Variants in WDFY2 observed in about 807,000 individuals in gnomAD.
The protein encoded by WDFY2 is WD repeat and FYVE domain containing 2.
In WDFY2, 36 loss-of-function variants were observed where a neutral mutation model predicts 56.4. The observed-to-expected ratio is 0.64, with a 90% confidence interval of 0.49 to 0.84. WDFY2 has a LOEUF of 0.84. WDFY2 is among the 40% of genes least tolerant of loss of function. The pLI, the probability that WDFY2 is intolerant of heterozygous loss-of-function variation, is 0.00. For synonymous variants in WDFY2, 176 were observed against 183.7 expected (o/e 0.96, Z 0.34); for missense variants, 444 against 512.2 (o/e 0.87, Z 1.29).
At position 51,744,543 on chromosome 13, in the gene WDFY2, A is replaced by G. The variant is rs924638164; in HGVS notation, c.725+5368A>G. Reference sequence around the variant, plus strand: ...ATCAAGTTTTTTAAAGGGACTCTGTATTTTCATTTTGCACTAGTCCCTCCA... The same window carrying G: ...ATCAAGTTTTTTAAAGGGACTCTGTGTTTTCATTTTGCACTAGTCCCTCCA... On this transcript the variant is annotated intron_variant, in intron 7 of 11. Coordinates refer to ENST00000298125, the MANE Select transcript of WDFY2 (RefSeq NM_052950.4). Among the ~76,000 whole-genome samples the G allele has an allele frequency of 3.3e-5, 5 of 152,242 alleles. No homozygotes were observed. The East Asian group carries it at 9.6e-4, about 29-fold the overall frequency.
chr13:51,711,668 C>T (rs530982290), intron 4 of WDFY2, among the ~76,000 whole-genome samples: 1 of 152,332 alleles, frequency 6.6e-6, no homozygotes, highest in Admixed American at 6.5e-5. Context: ...GACATTTATG[C>T]AGCCAACAGA....
chr13:51,724,199 C>G (rs1593451891), intron 5 of WDFY2, among the ~76,000 whole-genome samples: 1 of 147,952 alleles, frequency 6.8e-6, no homozygotes, highest in Admixed American at 6.7e-5. Flanking sequence ...CCAGTAATAG[C>G]TCCATTAAAT....
In WDFY2 at chr13:51,766,773, A is replaced by G. The variant is rs1953763542; in HGVS notation, c.*7004A>G. The G allele has an allele frequency of 6.6e-6, 1 of 152,274 alleles. No individual in the cohort carries two copies. The highest frequency in any genetic ancestry group is 2.4e-5 in the African/African-American group (1 of 41,472). The allele number at this position is 152,274 out of a possible 1,614,324, so 9.4% of individuals were successfully genotyped here. A position where few individuals can be genotyped will look rare whatever the true frequency, so the allele number is the denominator to read the frequency against. ...TGCGGAGTTGCCGCCACGGTTTAAA[A>G]TAAATCTCTGTGAAAACCTTTCTGC... On this transcript the variant is annotated 3_prime_UTR_variant, in exon 12 of 12. Coordinates refer to ENST00000298125, the MANE Select transcript of WDFY2 (RefSeq NM_052950.4).
chr13:51,612,678 G>C (rs889584320), intron 1 of WDFY2, among the ~76,000 whole-genome samples: 1 of 152,202 alleles, frequency 6.6e-6, no homozygotes, highest in Admixed American at 6.5e-5. Context: ...ATTTATGTCT[G>C]GCTTTGGCAG....
chr13:51,689,306 A>G (rs1450323354), intron 3 of WDFY2, among the ~76,000 whole-genome samples: 1 of 152,182 alleles, frequency 6.6e-6, no homozygotes, highest in African/African-American at 2.4e-5. Flanking sequence ...GGCAGACTAG[A>G]GGGGCAGCAG....
intron 4 of WDFY2, among the ~76,000 whole-genome samples, chr13:51,707,939 C>CTT (rs56054205): frequency 0.12 from 6,852 of 57,522 alleles, 1,778 homozygotes; most frequent in African/African-American, 0.13. Context: ...CCTAAAACAA[C>CTT]TTTTTTTTTT....
At chr13:51,747,066 T>TA (rs1474912521) in intron 7 of WDFY2, among the ~76,000 whole-genome samples, 1 of 152,280 alleles carries the variant, frequency 6.6e-6, no homozygotes, top group South Asian at 2.1e-4. Context: ...ATCAATATTT[T>TA]AAAATACTTA....
intron 1 of WDFY2, among the ~76,000 whole-genome samples, chr13:51,635,494 T>C (rs1012023376): frequency 2.0e-5 from 3 of 152,272 alleles, no homozygotes; most frequent in Admixed American, 6.5e-5. Context: ...TTCTGTTTTC[T>C]AAATAGTGAA....
intron 3 of WDFY2, among the ~76,000 whole-genome samples, chr13:51,686,141 G>T (rs540638507): frequency 1.3e-5 from 2 of 152,292 alleles, no homozygotes; most frequent in East Asian, 3.9e-4. Flanking sequence ...ATGTGGTGGG[G>T]TTGAGGTATG....
At chr13:51,713,846 C>CAAAAA (rs763208351) in intron 4 of WDFY2, among the ~76,000 whole-genome samples, 1 of 55,360 alleles carries the variant, frequency 1.8e-5, no homozygotes, top group African/African-American at 6.3e-5. Context: ...GATTCCATCT[C>CAAAAA]AAAAAAAAAA....
At chr13:51,619,682 T>C (rs1459492663) in intron 1 of WDFY2, among the ~76,000 whole-genome samples, 1 of 152,170 alleles carries the variant, frequency 6.6e-6, no homozygotes, top group African/African-American at 2.4e-5. Context: ...AGAGCTTAGA[T>C]GAGCAAGGAA....
chr13:51,658,743 G>C (rs1022386403), intron 1 of WDFY2, among the ~76,000 whole-genome samples: 1 of 152,150 alleles, frequency 6.6e-6, no homozygotes, highest in Non-Finnish European at 1.5e-5. Context: ...TGTATGCATA[G>C]ATTTAATTCT....
rs117864933 is a variant in WDFY2, at chr13:51,683,940, C to T, written c.279+8697C>T. ...GTAGTTTTTCTTTCCAAGATGTGTGCCCTTCCCTGTTTATTTACTGATCCT... is the reference window on the plus strand; with the variant it reads ...GTAGTTTTTCTTTCCAAGATGTGTGTCCTTCCCTGTTTATTTACTGATCCT... On this transcript the variant is annotated intron_variant, in intron 3 of 11. Coordinates refer to ENST00000298125, the MANE Select transcript of WDFY2 (RefSeq NM_052950.4). 1.3e-4 allele frequency among the ~76,000 whole-genome samples: 20 copies of T among 152,168 alleles called. No homozygotes were observed. The East Asian group carries it at 3.7e-3, about 28-fold the overall frequency.
At chr13:51,689,198 T>G (rs1242074258) in intron 3 of WDFY2, among the ~76,000 whole-genome samples, 1 of 152,160 alleles carries the variant, frequency 6.6e-6, no homozygotes, top group Non-Finnish European at 1.5e-5. Flanking sequence ...TGCATATGGT[T>G]ACTTGCAGTC....
chr13:51,751,518 G>A (rs1306207101), intron 8 of WDFY2, 103 bp downstream of exon 8: 3 of 1,110,354 alleles, frequency 2.7e-6, no homozygotes, highest in Non-Finnish European at 4.0e-6. Context: ...AATAAGGCAT[G>A]TAACGTTAAA....
intron 3 of WDFY2, among the ~76,000 whole-genome samples, chr13:51,700,406 CT>C (rs1257093553): frequency 6.6e-6 from 1 of 152,150 alleles, no homozygotes; most frequent in Non-Finnish European, 1.5e-5. Flanking sequence ...TTCTTTTGAA[CT>C]TTGGTTGGTC....
Position 51,751,312 on chromosome 13 carries a change from A to G in WDFY2, c.728A>G (p.Asp243Gly). The change falls in exon 8 of 12, where the codon GAC becomes GGC. Residue 243 changes from aspartate (D) to glycine (G), a missense_variant and splice_region_variant. Coordinates refer to ENST00000298125, the MANE Select transcript of WDFY2 (RefSeq NM_052950.4). ...GTAIELQGHN[D>G]RVQALSYAQH... is the part of the protein sequence containing the mutation. ...ATAACCCTTGGTTTCTTTCACAGCG[A>G]CAGAGTCCAGGCCCTCTCCTATGCA... 1 of 1,612,536 alleles carries G rather than the reference A, an allele frequency of 6.2e-7. No homozygotes were observed. The highest frequency in any genetic ancestry group is 8.5e-7 in the Non-Finnish European group (1 of 1,179,396).
At chr13:51,653,198 G>A (rs909176887) in intron 1 of WDFY2, among the ~76,000 whole-genome samples, 18 of 152,050 alleles carry the variant, frequency 1.2e-4, no homozygotes, top group Non-Finnish European at 1.5e-4. Context: ...TGATCGAATC[G>A]GCTACTGAGG....
intron 2 of WDFY2, among the ~76,000 whole-genome samples, chr13:51,661,379 A>T (rs1955609893): frequency 6.6e-6 from 1 of 152,144 alleles, no homozygotes; most frequent in Non-Finnish European, 1.5e-5. Flanking sequence ...TAATTATTTA[A>T]ATTTATTATT....
Sources: allele counts gnomAD v4.1 joint callset (sites outside exome capture counted in the v4.1 genomes callset), GRCh38; gene constraint gnomAD v4.1.1; transcripts MANE v1.5; gene names NCBI Gene and HGNC (gene_info 2026-07-23, HGNC 2026-07-21).